The following UNC13C variants were observed in gnomAD, a reference collection of about 807,000 sequenced individuals.
UNC13C encodes protein unc-13 homolog C.
In UNC13C, 174 loss-of-function variants were observed where a neutral mutation model predicts 245.4. The ratio of observed to expected loss-of-function variants is 0.71; its 90% CI spans 0.63 to 0.80. The LOEUF (loss-of-function observed/expected upper bound fraction) is 0.80, where lower values mean the gene tolerates loss of function less well. Among genes scored for constraint, UNC13C ranks in the 30% least tolerant of loss-of-function variants. The pLI is 0.00. For missense variants in UNC13C, 2,829 were observed against 2,602.9 expected (o/e 1.09, Z -1.89); for synonymous variants, 992 against 895.1 (o/e 1.11, Z -1.93).
At chr15:54,162,510 A>G (rs1420445086) in intron 4 of UNC13C, among the ~76,000 whole-genome samples, 3 of 152,190 alleles carry the variant, frequency 2.0e-5, no homozygotes, top group Admixed American at 6.5e-5. Flanking sequence ...CATCAAATAC[A>G]GTCTGATATT....
chr15:54,608,197 A>G (rs1899879918), intron 30 of UNC13C, among the ~76,000 whole-genome samples: 1 of 152,234 alleles, frequency 6.6e-6, no homozygotes, highest in Non-Finnish European at 1.5e-5. Context: ...AAACTAATGT[A>G]ACAGAAATTA....
At chr15:54,474,604 A>G (rs1422534402) in intron 19 of UNC13C, among the ~76,000 whole-genome samples, 1 of 152,076 alleles carries the variant, frequency 6.6e-6, no homozygotes, top group Non-Finnish European at 1.5e-5. Flanking sequence ...TCAGATGAAT[A>G]GTTTGCAAAT....
intron 2 of UNC13C, among the ~76,000 whole-genome samples, chr15:54,120,041 CA>C (rs1266625908): frequency 1.3e-5 from 2 of 152,178 alleles, no homozygotes; most frequent in African/African-American, 2.4e-5. Context: ...AGTGCTTATG[CA>C]GAAGCTGCTG....
chr15:53,968,946 C>G, the UNC13C span, among the ~76,000 whole-genome samples: 2 of 152,184 alleles, frequency 1.3e-5, no homozygotes, highest in Non-Finnish European at 2.9e-5. Context: ...TTCCTACAAT[C>G]CCCACAATCC....
At chr15:53,941,560 T>C in the UNC13C span, among the ~76,000 whole-genome samples, 1 of 151,996 alleles carries the variant, frequency 6.6e-6, no homozygotes, top group East Asian at 1.9e-4. Context: ...AAAGGTCTAA[T>C]ATCCGAGGTC....
chr15:53,996,832 G>GTTT (rs61341886), intron 1 of UNC13C, among the ~76,000 whole-genome samples: 78,000 of 143,224 alleles, frequency 0.54, 22,987 homozygotes, highest in Middle Eastern at 0.72. Flanking sequence ...CTCCTGATGG[G>GTTT]TTTTTTTTTT....
intron 19 of UNC13C, among the ~76,000 whole-genome samples, chr15:54,443,446 C>A (rs575468955): frequency 6.6e-6 from 1 of 151,658 alleles, no homozygotes; most frequent in East Asian, 1.9e-4. Flanking sequence ...CAACTAATTT[C>A]GGATTTGGTT....
intron 2 of UNC13C, among the ~76,000 whole-genome samples, chr15:54,035,009 C>T (rs778200797): frequency 1.1e-4 from 17 of 152,302 alleles, no homozygotes; most frequent in Non-Finnish European, 1.3e-4. Flanking sequence ...TAAACTAGTA[C>T]ATCCACTTCC....
chr15:53,905,432 A>ACACACACACACACAC, the UNC13C span, among the ~76,000 whole-genome samples: 1 of 149,318 alleles, frequency 6.7e-6, no homozygotes, highest in Non-Finnish European at 1.5e-5. Context: ...ACACACACAC[A>ACACACACACACACAC]ATGGAATATT....
the UNC13C span, among the ~76,000 whole-genome samples, chr15:53,938,666 C>T: frequency 6.6e-6 from 1 of 152,170 alleles, no homozygotes; most frequent in African/African-American, 2.4e-5. Context: ...CCTCAGACCA[C>T]AGCACAATCA....
intron 17 of UNC13C, among the ~76,000 whole-genome samples, chr15:54,342,538 G>A (rs2038758983): frequency 6.6e-6 from 1 of 151,204 alleles, no homozygotes; most frequent in African/African-American, 2.4e-5. Flanking sequence ...TCCAGCCTTG[G>A]TGACACAGCA....
chr15:54,394,374 C>T (rs1322785704), intron 18 of UNC13C, among the ~76,000 whole-genome samples: 1 of 151,718 alleles, frequency 6.6e-6, no homozygotes, highest in African/African-American at 2.4e-5. Flanking sequence ...TTCCTGATGG[C>T]CTTTGTGTTT....
Position 54,214,478 on chromosome 15 carries a change from G to A in UNC13C, c.3072-20552G>A, listed in dbSNP as rs533110764. 2.5e-4 allele frequency among the ~76,000 whole-genome samples: 38 copies of A among 151,974 alleles called. 2 individuals are homozygous for A. The South Asian group carries it at 7.7e-3, about 31-fold the overall frequency. ...AGAAACATTGTCTAATAATAAGAGG[G>A]GTGGGCTGTGAAAGTCTGACAACCA... On this transcript the variant is annotated intron_variant, in intron 4 of 32. Transcript: ENST00000260323.
chr15:54,596,520 A>G (rs972356066), intron 30 of UNC13C, among the ~76,000 whole-genome samples: 1 of 152,228 alleles, frequency 6.6e-6, no homozygotes, highest in African/African-American at 2.4e-5. Flanking sequence ...CAATAACTCA[A>G]GAGGCCAAAT....
chr15:53,887,437 T>C, the UNC13C span, among the ~76,000 whole-genome samples: 1 of 152,202 alleles, frequency 6.6e-6, no homozygotes, highest in African/African-American at 2.4e-5. Flanking sequence ...GTAACTCTTA[T>C]TAACATTTTT....
the UNC13C span, among the ~76,000 whole-genome samples, chr15:53,957,428 C>T: frequency 3.3e-5 from 5 of 152,180 alleles, no homozygotes; most frequent in African/African-American, 4.8e-5. Flanking sequence ...CCACCATGCC[C>T]TACCAAAAAT....
At chr15:54,479,151 C>A (rs1892953303) in intron 19 of UNC13C, among the ~76,000 whole-genome samples, 1 of 152,000 alleles carries the variant, frequency 6.6e-6, no homozygotes, top group East Asian at 1.9e-4. Context: ...AAGTGCTCTG[C>A]AGTGCTTCAA....
At chr15:54,126,574 A>T (rs1257293422) in intron 2 of UNC13C, among the ~76,000 whole-genome samples, 1 of 152,184 alleles carries the variant, frequency 6.6e-6, no homozygotes, top group Non-Finnish European at 1.5e-5. Flanking sequence ...TGGATTAAAG[A>T]CTTAAACCTA....
intron 4 of UNC13C, among the ~76,000 whole-genome samples, chr15:54,171,351 A>G (rs926322640): frequency 6.6e-6 from 1 of 152,146 alleles, no homozygotes; most frequent in Non-Finnish European, 1.5e-5. Flanking sequence ...CAAACTACCC[A>G]TCTGACAAGG....
Sources: gnomAD v4.1 joint callset for allele counts (sites outside exome capture counted in the v4.1 genomes callset) on GRCh38, gnomAD v4.1.1 for gene constraint, MANE v1.5 for transcripts, NCBI Gene and HGNC (gene_info 2026-07-23, HGNC 2026-07-21) for gene names.